The following AFAP1L2 variants were observed in gnomAD, a reference collection of about 807,000 sequenced individuals.
AFAP1L2 encodes the protein actin filament associated protein 1 like 2.
AFAP1L2 carries 46 observed loss-of-function variants against 99.3 expected under a neutral mutation model. That is an observed-to-expected ratio of 0.46 (90% CI 0.37 to 0.59). The LOEUF is 0.59. AFAP1L2 is among the 20% of genes least tolerant of loss of function. The pLI is 0.00. For missense variants in AFAP1L2, 959 were observed against 1,034.9 expected (o/e 0.93, Z 1.01); for synonymous variants, 397 against 419.1 (o/e 0.95, Z 0.64).
chr10:114,302,814 C>A (rs2041452273), intron 11 of AFAP1L2, among the ~76,000 whole-genome samples: 1 of 152,062 alleles, frequency 6.6e-6, no homozygotes, highest in South Asian at 2.1e-4. Flanking sequence ...TTAGTGACCA[C>A]CTGTTAATTA....
intron 7 of AFAP1L2, among the ~76,000 whole-genome samples, chr10:114,313,593 ATTC>A (rs2043612997): frequency 6.6e-6 from 1 of 152,204 alleles, no homozygotes; most frequent in African/African-American, 2.4e-5. Context: ...AGCGACATGT[ATTC>A]TTCTTTAATA....
At chr10:114,301,203 A>G in intron 13 of AFAP1L2, 151 bp downstream of exon 13, 1 of 642,578 alleles carries the variant, frequency 1.6e-6, no homozygotes, top group Non-Finnish European at 2.7e-6. Flanking sequence ...GCCTTGTTGC[A>G]CTTAGGTGTC....
At position 114,352,479 on chromosome 10, in the gene AFAP1L2, T is replaced by TAAAAAACAAAAAAAAAAAAA. The variant is rs1554930286; in HGVS notation, c.17-11749_17-11748insTTTTTTTTTTTTTGTTTTTT. On this transcript the variant is annotated intron_variant, in intron 1 of 18. Transcript: ENST00000304129. ...ACAGAGCAAGACTCTGTCTCCAAAT[T>TAAAAAACAAAAAAAAAAAAA]AAAAAAAAAAAAAAAAAAAAGCAAC... Among the ~76,000 whole-genome samples the TAAAAAACAAAAAAAAAAAAA allele has an allele frequency of 2.8e-5, 2 of 71,372 alleles. 1 individual carries two copies. Among genetic ancestry groups the TAAAAAACAAAAAAAAAAAAA allele is most frequent in the African/African-American group, 1.1e-4 (2 of 18,216 alleles). 46.8% of individuals were successfully genotyped at this position (71,372 alleles called of 152,430 possible).
intron 8 of AFAP1L2, among the ~76,000 whole-genome samples, chr10:114,309,054 T>C (rs900347786): frequency 6.6e-6 from 1 of 152,198 alleles, no homozygotes; most frequent in Admixed American, 6.5e-5. Context: ...CCTAGAAAAG[T>C]GTAGCTGCTG....
rs775703904 is a variant in AFAP1L2 at position 114,404,498 on chromosome 10, G to T, written c.-43C>A. On this transcript the variant is annotated 5_prime_UTR_variant, in exon 1 of 19. Transcript: ENST00000304129. ...CTCCTCGCGGCTCGGCTTCTGCGCT[G>T]CTCTCCCGGCGCTCGGCTCAGCGCC... is the stretch of plus-strand genomic sequence containing the variant. The T allele has an allele frequency of 3.9e-6, 6 of 1,525,602 alleles. No homozygotes were observed. The highest frequency in any genetic ancestry group is 3.6e-5 in the South Asian group (3 of 82,894). The allele number at this position is 1,525,602 out of a possible 1,614,324, so 94.5% of individuals were successfully genotyped here. A position where few individuals can be genotyped will look rare whatever the true frequency, so the allele number is the denominator to read the frequency against.
chr10:114,332,042 G>A lies in AFAP1L2; in HGVS notation c.221-145C>T, dbSNP rs146687831. 2.6e-3 allele frequency: 1,251 copies of A among 483,524 alleles called. 15 individuals are homozygous for A. The highest frequency in any genetic ancestry group is 0.023 in the African/African-American group (1,165 of 50,148). The allele number at this position is 483,524 out of a possible 1,614,324, so 30.0% of individuals were successfully genotyped here. ...ACCCAGGCAGGCGGTCCCTGGAACCGAAGTTGTTTTTCCTCCCTGCAGTAA... is the reference window on the plus strand; with the variant it reads ...ACCCAGGCAGGCGGTCCCTGGAACCAAAGTTGTTTTTCCTCCCTGCAGTAA... On this transcript the variant is annotated intron_variant, in intron 3 of 18. Coordinates refer to ENST00000304129, the MANE Select transcript of AFAP1L2 (RefSeq NM_001001936.3).
intron 5 of AFAP1L2, among the ~76,000 whole-genome samples, chr10:114,318,837 G>A (rs2044607995): frequency 6.6e-6 from 1 of 151,532 alleles, no homozygotes; most frequent in Non-Finnish European, 1.5e-5. Flanking sequence ...ACCCCTAAAA[G>A]GGATCACAGC....
intron 1 of AFAP1L2, among the ~76,000 whole-genome samples, chr10:114,359,311 T>C (rs1427321858): frequency 6.6e-6 from 1 of 152,244 alleles, no homozygotes; most frequent in Admixed American, 6.5e-5. Context: ...TGACTTTTGG[T>C]ATTCAAAAGG....
rs1399748911 is a variant in AFAP1L2 at position 114,308,013 on chromosome 10, C to T, written c.968-104G>A. On this transcript the variant is annotated intron_variant, in intron 9 of 18. Coordinates refer to ENST00000304129, the MANE Select transcript of AFAP1L2 (RefSeq NM_001001936.3). ...ACCCATTTCCACTCCATCCACCCAT[C>T]CCTCCCCGCTACATATGCGCGCACA... The T allele has an allele frequency of 2.6e-5, 24 of 932,068 alleles. No homozygotes were observed. In the East Asian group the frequency reaches 5.9e-4, roughly 23 times the overall value. 57.7% of individuals were successfully genotyped at this position (932,068 alleles called of 1,614,324 possible).
chr10:114,371,392 G>A (rs914875368), intron 1 of AFAP1L2, among the ~76,000 whole-genome samples: 13 of 152,268 alleles, frequency 8.5e-5, no homozygotes, highest in African/African-American at 2.6e-4. Flanking sequence ...TTTGAGGTGC[G>A]TAGTTGTAAA....
At chr10:114,360,996 C>T (rs1423923967) in intron 1 of AFAP1L2, among the ~76,000 whole-genome samples, 6 of 152,270 alleles carry the variant, frequency 3.9e-5, no homozygotes, top group South Asian at 2.1e-4. Flanking sequence ...ATGGAGAACT[C>T]GCAGTTCCAC....
chr10:114,387,249 C>A (rs1229906541), intron 1 of AFAP1L2, among the ~76,000 whole-genome samples: 7 of 152,198 alleles, frequency 4.6e-5, no homozygotes, highest in Admixed American at 1.3e-4. Flanking sequence ...CACTTTTATG[C>A]ATAGTTTTTC....
At chr10:114,282,533 T>A in the AFAP1L2 span, 2 of 1,614,108 alleles carry the variant, frequency 1.2e-6, no homozygotes, top group Non-Finnish European at 1.7e-6. Flanking sequence ...AGAGTGTTCC[T>A]AACCCACCCT....
intron 1 of AFAP1L2, among the ~76,000 whole-genome samples, chr10:114,360,509 TTAGATAGATAGA>T (rs57811868): frequency 2.0e-4 from 21 of 107,414 alleles, no homozygotes; most frequent in African/African-American, 7.1e-4. Flanking sequence ...AGATAGATAG[TTAGATAGATAGA>T]TAGATAGATA....
In AFAP1L2 at chr10:114,325,841, C is replaced by A. The variant is rs1034840689; in HGVS notation, c.316-2580G>T. The A allele has an allele frequency of 4.8e-6, 6 of 1,258,144 alleles. No individual in the cohort carries two copies. In the African/African-American group the frequency reaches 9.3e-5, roughly 19 times the overall value. 77.9% of individuals were successfully genotyped at this position (1,258,144 alleles called of 1,614,324 possible). A position where few individuals can be genotyped will look rare whatever the true frequency, so the allele number is the denominator to read the frequency against. On this transcript the variant is annotated intron_variant, in intron 4 of 18. Coordinates refer to ENST00000304129, the MANE Select transcript of AFAP1L2 (RefSeq NM_001001936.3). ...GACAGACTTGCCTGTGGTCCACTAA[C>A]AACAGGCTCCCTAGGGTCCACAGGG... is the stretch of plus-strand genomic sequence containing the variant.
At chr10:114,340,199 C>T (rs1286244433) in intron 2 of AFAP1L2, among the ~76,000 whole-genome samples, 1 of 145,614 alleles carries the variant, frequency 6.9e-6, no homozygotes, top group African/African-American at 2.5e-5. Context: ...AAAAAAATAG[C>T]TGGGCATGGT....
intron 4 of AFAP1L2, among the ~76,000 whole-genome samples, chr10:114,323,782 G>A (rs1245339592): frequency 2.0e-5 from 3 of 152,166 alleles, no homozygotes; most frequent in Admixed American, 6.5e-5. Context: ...GGGACACATC[G>A]AAATTTCAGG....
intron 7 of AFAP1L2, among the ~76,000 whole-genome samples, chr10:114,312,139 C>T (rs982103517): frequency 6.6e-6 from 1 of 151,540 alleles, no homozygotes; most frequent in African/African-American, 2.4e-5. Flanking sequence ...AGGAAGAGGG[C>T]GTGAGAGTTT....
At chr10:114,323,494 T>C (rs1185444455) in intron 4 of AFAP1L2, among the ~76,000 whole-genome samples, 1 of 152,186 alleles carries the variant, frequency 6.6e-6, no homozygotes, top group African/African-American at 2.4e-5. Flanking sequence ...TTGCCAAGAC[T>C]CAGCTTTCTC....
Sources: gnomAD v4.1 joint callset for allele counts (sites outside exome capture counted in the v4.1 genomes callset) on GRCh38, gnomAD v4.1.1 for gene constraint, MANE v1.5 for transcripts, NCBI Gene and HGNC (gene_info 2026-07-23, HGNC 2026-07-21) for gene names.